KCNK3: variants seen among roughly 807,000 people sequenced by gnomAD.
KCNK3 encodes the protein potassium channel subfamily K member 3.
KCNK3 carries 9 observed loss-of-function variants against 27.3 expected under a neutral mutation model. The ratio of observed to expected loss-of-function variants is 0.33; its 90% CI spans 0.20 to 0.57. KCNK3 has a LOEUF of 0.57. Among genes scored for constraint, KCNK3 ranks in the 20% least tolerant of loss-of-function variants. The pLI is 0.87. For synonymous variants in KCNK3, 278 were observed against 273.8 expected, an observed-to-expected ratio of 1.02 and a Z score of -0.15; for missense variants, 391 against 577.7, an observed-to-expected ratio of 0.68 and a Z score of 3.31.
intron 1 of KCNK3, among the ~76,000 whole-genome samples, chr2:26,718,470 A>G (rs1007474167): frequency 2.6e-5 from 4 of 152,208 alleles, no homozygotes; most frequent in Non-Finnish European, 5.9e-5. Flanking sequence ...TACAAAAGTA[A>G]TAGTTTTTTG....
chr2:26,719,975 G>C (rs1663298131), intron 1 of KCNK3, among the ~76,000 whole-genome samples: 1 of 152,210 alleles, frequency 6.6e-6, no homozygotes, highest in African/African-American at 2.4e-5. Flanking sequence ...TATAAAATGA[G>C]TGGGGGGAAG....
chr2:26,692,868 G>A lies in KCNK3; in HGVS notation c.-8G>A. 9 of 1,297,862 alleles carry A rather than the reference G, an allele frequency of 6.9e-6. No individual in the cohort carries two copies. Among genetic ancestry groups the A allele is most frequent in the Non-Finnish European group, 8.8e-6 (9 of 1,017,080 alleles). 80.4% of individuals were successfully genotyped at this position (1,297,862 alleles called of 1,614,324 possible). ...CGCCGGGGGGCCGGCGGCGGCCCGG[G>A]CGGGACGATGAAGCGGCAGAACGTG... On this transcript the variant is annotated 5_prime_UTR_variant, in exon 1 of 2. Transcript: ENST00000302909. The surrounding 1 kb of genome is among the most constrained non-coding windows in gnomAD (Gnocchi z 5.6).
intron 1 of KCNK3, among the ~76,000 whole-genome samples, chr2:26,716,376 T>A (rs1286114286): frequency 1.3e-5 from 2 of 152,148 alleles, no homozygotes; most frequent in African/African-American, 4.8e-5. Flanking sequence ...GGATTATTAT[T>A]CTAGAACTCA....
chr2:26,695,782 C>CA (rs1670227108), intron 1 of KCNK3, among the ~76,000 whole-genome samples: 1 of 152,180 alleles, frequency 6.6e-6, no homozygotes, highest in Non-Finnish European at 1.5e-5. Context: ...CGCTAAAAGC[C>CA]ATGGGGGGAG....
Position 26,732,703 on chromosome 2 carries a change from G to A in KCNK3, c.*4135G>A, listed in dbSNP as rs1247206563. The A allele has an allele frequency of 6.6e-6, 1 of 152,280 alleles. No homozygotes were observed. The highest frequency in any genetic ancestry group is 1.5e-5 in the Non-Finnish European group (1 of 68,054). 9.4% of individuals were successfully genotyped at this position (152,280 alleles called of 1,614,324 possible). ...ATCAAAATCTGAGGCTTACTGCCCT[G>A]TCCCACCTGCCTCTGTCTTTCTTAA... On this transcript the variant is annotated 3_prime_UTR_variant, in exon 2 of 2. Transcript: ENST00000302909.
chr2:26,728,237 C>A lies in KCNK3; in HGVS notation c.854C>A (p.Ala285Asp), dbSNP rs781291012. ...GGCAGCGCGCACACTACGGACACCG[C>A]CTCATCCACGGCGGCAGCGGGCGGC... is the stretch of plus-strand genomic sequence containing the variant. The part of the protein sequence containing the change: ...GGGSAHTTDT[A>D]SSTAAAGGGG... The change falls in exon 2 of 2, where the codon GCC becomes GAC. Residue 285 changes from alanine (A) to aspartate (D), a missense_variant. By Grantham distance (126) the Ala-to-Asp change is moderately radical. This residue lies in a region of KCNK3 where 192 missense variants were observed against 196.0 expected (regional missense o/e 0.98). Coordinates refer to ENST00000302909, the MANE Select transcript of KCNK3 (RefSeq NM_002246.3). 6.4e-7 allele frequency: 1 copy of A among 1,574,070 alleles called. No individual in the cohort carries two copies. The highest frequency in any genetic ancestry group is 1.8e-5 in the Admixed American group (1 of 55,092).
At chr2:26,713,640 G>C (rs1663167367) in intron 1 of KCNK3, among the ~76,000 whole-genome samples, 1 of 151,762 alleles carries the variant, frequency 6.6e-6, no homozygotes, top group Non-Finnish European at 1.5e-5. Flanking sequence ...AAATTTGCTG[G>C]GTGTGTAATC....
chr2:26,716,168 C>G (rs1036779947), intron 1 of KCNK3, among the ~76,000 whole-genome samples: 1 of 152,180 alleles, frequency 6.6e-6, no homozygotes, highest in Non-Finnish European at 1.5e-5. Context: ...CAGAAAAAAA[C>G]TGCCTTTGAA....
intron 1 of KCNK3, among the ~76,000 whole-genome samples, chr2:26,719,138 T>A (rs949630179): frequency 1.9e-4 from 29 of 152,236 alleles, no homozygotes; most frequent in African/African-American, 6.8e-4. Flanking sequence ...ATGAAAATGC[T>A]GCTATAAACA....
chr2:26,706,458 G>A (rs1670374736), intron 1 of KCNK3, among the ~76,000 whole-genome samples: 1 of 152,130 alleles, frequency 6.6e-6, no homozygotes, highest in South Asian at 2.1e-4. Flanking sequence ...CAAATCTGGG[G>A]TTGGGGCCAG....
At chr2:26,701,254 C>T (rs965895563) in intron 1 of KCNK3, among the ~76,000 whole-genome samples, 4 of 152,142 alleles carry the variant, frequency 2.6e-5, no homozygotes, top group Non-Finnish European at 4.4e-5. Flanking sequence ...AGCTGAGGGC[C>T]CAGGAGCTGT....
chr2:26,696,516 G>A (rs1250039605), intron 1 of KCNK3, among the ~76,000 whole-genome samples: 1 of 152,174 alleles, frequency 6.6e-6, no homozygotes, highest in African/African-American at 2.4e-5. Context: ...ATTGGTTGGA[G>A]GTCAGCAGGT....
At chr2:26,725,528 G>A (rs1217389680) in intron 1 of KCNK3, among the ~76,000 whole-genome samples, 2 of 152,190 alleles carry the variant, frequency 1.3e-5, no homozygotes, top group African/African-American at 2.4e-5. Context: ...GTGCCGGCCT[G>A]GAGGACAGGG....
rs995687762 is a variant in KCNK3, at chr2:26,728,179, C to A, written c.796C>A (p.Arg266Ser). ...RDAEHRALLT[R>S]NGQAGGGGGG... is the part of the protein sequence containing the mutation. ...CGCCGAGCACCGCGCGCTGCTCACG[C>A]GCAACGGGCAGGCGGGCGGCGGCGG... Residue 266 changes from arginine to serine, a missense_variant, in exon 2 of 2, where the codon CGC becomes AGC. Arg to Ser is a moderately radical substitution (Grantham distance 110). Coordinates refer to ENST00000302909, the MANE Select transcript of KCNK3 (RefSeq NM_002246.3). The A allele has an allele frequency of 7.6e-6, 12 of 1,572,262 alleles. No homozygotes were observed. Among genetic ancestry groups the A allele is most frequent in the African/African-American group, 1.4e-5 (1 of 73,860 alleles).
chr2:26,693,190 C>CG lies in KCNK3; in HGVS notation c.283+32_283+33insG. The CG allele has an allele frequency of 6.9e-7, 1 of 1,443,160 alleles. No homozygotes were observed. The highest frequency in any genetic ancestry group is 9.2e-7 in the Non-Finnish European group (1 of 1,088,444). 89.4% of individuals were successfully genotyped at this position (1,443,160 alleles called of 1,614,324 possible). ...GCTCGCCGGGCGGGGGGCGGGAACCCAGGGCTGGGCGCGGGGCTCCGGGAG... is the reference window on the plus strand; with the variant it reads ...GCTCGCCGGGCGGGGGGCGGGAACCCGAGGGCTGGGCGCGGGGCTCCGGGAG... On this transcript the variant is annotated intron_variant, in intron 1 of 1. Coordinates refer to ENST00000302909, the MANE Select transcript of KCNK3 (RefSeq NM_002246.3). This position sits in a 1 kb window ranked among gnomAD's most constrained non-coding sequence, Gnocchi z 5.5.
At position 26,692,867 on chromosome 2, in the gene KCNK3, G is replaced by A; in HGVS notation, c.-9G>A. The A allele has an allele frequency of 7.7e-7, 1 of 1,296,316 alleles. No homozygotes were observed. The highest frequency in any genetic ancestry group is 2.4e-5 in the South Asian group (1 of 41,756). 80.3% of individuals were successfully genotyped at this position (1,296,316 alleles called of 1,614,324 possible). A position where few individuals can be genotyped will look rare whatever the true frequency, so the allele number is the denominator to read the frequency against. ...GCGCCGGGGGGCCGGCGGCGGCCCG[G>A]GCGGGACGATGAAGCGGCAGAACGT... On this transcript the variant is annotated 5_prime_UTR_variant, in exon 1 of 2. Transcript: ENST00000302909. This position sits in a 1 kb window ranked among gnomAD's most constrained non-coding sequence, Gnocchi z 5.6.
Position 26,721,731 on chromosome 2 carries a change from G to A in KCNK3, c.284-5936G>A, listed in dbSNP as rs1300930381. Among the ~76,000 whole-genome samples, 2 of 152,210 alleles carry A rather than the reference G, an allele frequency of 1.3e-5. No homozygotes were observed. ...GCACTCCTCTCTGGCTGCCACACCA[G>A]GCCCAAGCCACACTGAGGTCACTTC... On this transcript the variant is annotated intron_variant, in intron 1 of 1. Transcript: ENST00000302909. This position sits in a 1 kb window ranked among gnomAD's most constrained non-coding sequence, Gnocchi z 4.3.
chr2:26,709,631 G>A (rs1663065149), intron 1 of KCNK3, among the ~76,000 whole-genome samples: 1 of 152,182 alleles, frequency 6.6e-6, no homozygotes, highest in African/African-American at 2.4e-5. Flanking sequence ...GTGGGAGTCG[G>A]CCTGAGGTGG....
intron 1 of KCNK3, among the ~76,000 whole-genome samples, chr2:26,713,757 G>T: frequency 7.1e-6 from 1 of 140,438 alleles, no homozygotes; most frequent in Admixed American, 7.4e-5. Flanking sequence ...CAGCCTGGGC[G>T]AAAAAGCGAG....
Sources: gnomAD v4.1 joint callset for allele counts (sites outside exome capture counted in the v4.1 genomes callset) on GRCh38, gnomAD v4.1.1 for gene constraint, gnomAD v4.1.1 regional missense constraint, Gnocchi (gnomAD v3.1) non-coding constraint, MANE v1.5 for transcripts, NCBI Gene and HGNC (gene_info 2026-07-23, HGNC 2026-07-21) for gene names.